Variants in DIAPH2 observed in about 807,000 individuals in gnomAD.
The protein encoded by DIAPH2 is diaphanous related formin 2, also known as protein diaphanous homolog 2.
In DIAPH2, 35 loss-of-function variants were observed where a neutral mutation model predicts 92.7. The ratio of observed to expected loss-of-function variants is 0.38; its 90% CI spans 0.29 to 0.50. The LOEUF is 0.50. Ranked by LOEUF, DIAPH2 falls within the 20% of genes least tolerant of loss-of-function variation. The pLI is 0.94. For synonymous variants in DIAPH2, 301 were observed against 280.4 expected, an observed-to-expected ratio of 1.07 and a Z score of -0.73; for missense variants, 701 against 819.5, an observed-to-expected ratio of 0.86 and a Z score of 1.77.
At chrX:97,065,222 A>G (rs892287958) in intron 17 of DIAPH2, among the ~76,000 whole-genome samples, 2 of 111,957 alleles carry the variant, frequency 1.8e-5, no homozygotes, top group African/African-American at 6.5e-5. Context: ...AATAAATGGG[A>G]TAGCCAGAAA....
intron 5 of DIAPH2, among the ~76,000 whole-genome samples, chrX:96,899,762 A>G (rs1330989838): frequency 9.1e-6 from 1 of 109,408 alleles, no homozygotes; most frequent in Admixed American, 9.8e-5. Context: ...TTCCAACACT[A>G]TGTTGAATAG....
chrX:97,287,813 G>A (rs757506234), intron 23 of DIAPH2, among the ~76,000 whole-genome samples: 4 of 106,587 alleles, frequency 3.8e-5, no homozygotes, highest in Non-Finnish European at 7.7e-5. Flanking sequence ...AAAATTGGCC[G>A]GGCCTAGTAT....
intron 7 of DIAPH2, among the ~76,000 whole-genome samples, chrX:96,913,534 G>T (rs1242765523): frequency 9.0e-6 from 1 of 111,124 alleles, no homozygotes; most frequent in African/African-American, 3.3e-5. Context: ...TCCCAATTTT[G>T]GTAATAATGC....
chrX:96,796,047 A>G (rs2064536366), intron 4 of DIAPH2, among the ~76,000 whole-genome samples: 1 of 112,067 alleles, frequency 8.9e-6, no homozygotes, highest in African/African-American at 3.2e-5. Flanking sequence ...GCATGTGTGG[A>G]TTTTGGTATC....
intron 24 of DIAPH2, among the ~76,000 whole-genome samples, chrX:97,366,632 A>AT (rs1029373544): frequency 4.9e-4 from 54 of 110,755 alleles, no homozygotes; most frequent in South Asian, 2.3e-3. Flanking sequence ...ATGTCACTAG[A>AT]TTTTTTTTTC....
intron 22 of DIAPH2, among the ~76,000 whole-genome samples, chrX:97,192,111 G>A (rs1468242289): frequency 9.1e-6 from 1 of 109,806 alleles, no homozygotes; most frequent in Non-Finnish European, 1.9e-5. Context: ...CCAACATAGT[G>A]AAACCCCTTC....
chrX:96,997,307 T>C (rs1366433832), intron 17 of DIAPH2, among the ~76,000 whole-genome samples: 1 of 111,615 alleles, frequency 9.0e-6, no homozygotes, highest in Non-Finnish European at 1.9e-5. Context: ...TTTAAATGTA[T>C]GCATCCTAGA....
chrX:97,043,074 A>G (rs2066458162), intron 17 of DIAPH2, among the ~76,000 whole-genome samples: 1 of 111,830 alleles, frequency 8.9e-6, no homozygotes, highest in Non-Finnish European at 1.9e-5. Context: ...TAAAAAGGTC[A>G]CAAATTTATG....
chrX:96,805,385 A>G (rs1044536709), intron 4 of DIAPH2, among the ~76,000 whole-genome samples: 3 of 110,921 alleles, frequency 2.7e-5, no homozygotes, highest in African/African-American at 9.8e-5. Flanking sequence ...CAAAGATGGG[A>G]ACAAGGCAAG....
chrX:97,264,599 A>C (rs1602461414), intron 23 of DIAPH2, among the ~76,000 whole-genome samples: 1 of 112,654 alleles, frequency 8.9e-6, no homozygotes, highest in African/African-American at 3.2e-5. Flanking sequence ...TATATTTTAG[A>C]AAAGTTATGT....
At chrX:97,383,860 T>A in intron 24 of DIAPH2, 49 bp from the exon 25 acceptor site, 1 of 1,075,823 alleles carries the variant, frequency 9.3e-7, no homozygotes, top group Non-Finnish European at 1.2e-6. Flanking sequence ...AATGTCTCTA[T>A]TATATAAGTA....
intron 24 of DIAPH2, among the ~76,000 whole-genome samples, chrX:97,368,554 T>A (rs1436373320): frequency 8.9e-6 from 1 of 111,802 alleles, no homozygotes; most frequent in Admixed American, 9.6e-5. Context: ...GTGAGCACAT[T>A]GCCAGTGCCC....
Position 97,078,317 on chromosome X carries a change from G to A in DIAPH2, c.2247+3056G>A, listed in dbSNP as rs185379672. Among the ~76,000 whole-genome samples, 588 of 111,699 alleles carry A rather than the reference G, an allele frequency of 5.3e-3. 5 individuals are homozygous for A. Among genetic ancestry groups the A allele is most frequent in the African/African-American group, 0.018 (556 of 30,843 alleles). On this transcript the variant is annotated intron_variant, in intron 19 of 26. Transcript: ENST00000324765. ...GAATAATTTGTAAAGATATGATAAAGCATAGGTTGGTAACCTGGAGTTCAA... is the reference window on the plus strand; with the variant it reads ...GAATAATTTGTAAAGATATGATAAAACATAGGTTGGTAACCTGGAGTTCAA...
At chrX:96,833,816 A>G (rs992672558) in intron 4 of DIAPH2, among the ~76,000 whole-genome samples, 1 of 110,192 alleles carries the variant, frequency 9.1e-6, no homozygotes, top group Non-Finnish European at 1.9e-5. Context: ...GTACACCACC[A>G]TGTCTGGCTA....
rs1376314033 is a variant in DIAPH2 at position 96,888,468 on chromosome X, T to TTA, written c.587+6763_587+6764dup. On this transcript the variant is annotated intron_variant, in intron 5 of 26. Coordinates refer to ENST00000324765, the MANE Select transcript of DIAPH2 (RefSeq NM_006729.5). ...AAAAATTATGTGTGATATGTGTTTT[T>TTA]TATATATATATATAACACAGATATA... is the stretch of plus-strand genomic sequence containing the variant. Among the ~76,000 whole-genome samples the TTA allele has an allele frequency of 6.9e-3, 717 of 104,182 alleles. 6 individuals carry two copies. The highest frequency in any genetic ancestry group is 0.015 in the Middle Eastern group (3 of 199). The allele number at this position is 104,182 out of a possible 115,157, so 90.5% of individuals were successfully genotyped here.
intron 25 of DIAPH2, among the ~76,000 whole-genome samples, chrX:97,385,221 A>C (rs2069588117): frequency 9.0e-6 from 1 of 110,898 alleles, no homozygotes; most frequent in Admixed American, 9.7e-5. Flanking sequence ...TGGTTGTAAG[A>C]CTTTTACGTA....
chrX:97,571,145 G>A (rs1189238875), intron 26 of DIAPH2, among the ~76,000 whole-genome samples: 2 of 111,443 alleles, frequency 1.8e-5, no homozygotes, highest in Admixed American at 1.9e-4. Context: ...GTTATATGAT[G>A]AAGGTAATAA....
chrX:97,529,796 C>T (rs1250920062), intron 26 of DIAPH2, among the ~76,000 whole-genome samples: 2 of 111,079 alleles, frequency 1.8e-5, no homozygotes, highest in Non-Finnish European at 3.8e-5. Context: ...TTCAATCATA[C>T]AACAAGAAGC....
chrX:96,757,496 A>T (rs765754618), intron 3 of DIAPH2, among the ~76,000 whole-genome samples: 1 of 112,387 alleles, frequency 8.9e-6, no homozygotes, highest in Non-Finnish European at 1.9e-5. Flanking sequence ...AAGAAAAACA[A>T]TTTGTCTAAT....
Sources: allele counts gnomAD v4.1 joint callset (sites outside exome capture counted in the v4.1 genomes callset), GRCh38; gene constraint gnomAD v4.1.1; transcripts MANE v1.5; gene names NCBI Gene and HGNC (gene_info 2026-07-23, HGNC 2026-07-21).